Variants in AP1B1 observed in about 807,000 individuals in gnomAD.
AP1B1 encodes AP-1 complex subunit beta-1.
In AP1B1, 36 loss-of-function variants were observed where a neutral mutation model predicts 104.3. The ratio of observed to expected loss-of-function variants is 0.35; its 90% CI spans 0.26 to 0.46. AP1B1 has a LOEUF of 0.46. AP1B1 is among the 20% of genes least tolerant of loss of function. The probability of loss-of-function intolerance (pLI) is 1.00; values close to 1 mark genes in which losing one functional copy is unlikely to be tolerated. For missense variants in AP1B1, 901 were observed against 1,247.9 expected (o/e 0.72, Z 4.19); for synonymous variants, 504 against 517.5 (o/e 0.97, Z 0.35).
At chr22:29,334,058 C>CT (rs1285111529) in intron 17 of AP1B1, among the ~76,000 whole-genome samples, 1 of 152,212 alleles carries the variant, frequency 6.6e-6, no homozygotes, top group Non-Finnish European at 1.5e-5. Context: ...GAGTGAGACT[C>CT]TGTCTCCAAA....
intron 1 of AP1B1, among the ~76,000 whole-genome samples, chr22:29,383,172 A>G (rs1305889653): frequency 6.6e-6 from 1 of 152,174 alleles, no homozygotes; most frequent in Admixed American, 6.6e-5. Flanking sequence ...CTGGACTTAG[A>G]AAGTCTCTGT....
intron 3 of AP1B1, among the ~76,000 whole-genome samples, chr22:29,361,141 A>C (rs2062039190): frequency 6.6e-6 from 1 of 152,234 alleles, no homozygotes; most frequent in Non-Finnish European, 1.5e-5. Context: ...TGGGTGAAGG[A>C]GAGCAGCTTT....
intron 13 of AP1B1, among the ~76,000 whole-genome samples, chr22:29,341,073 C>A (rs377584875): frequency 1.3e-5 from 2 of 152,200 alleles, no homozygotes; most frequent in African/African-American, 4.8e-5. Flanking sequence ...GGGAGAGGGC[C>A]GCCTGCTTCT....
At chr22:29,349,566 T>C (rs1229741246) in intron 10 of AP1B1, among the ~76,000 whole-genome samples, 183 bp from the exon 11 acceptor site, 5 of 151,840 alleles carry the variant, frequency 3.3e-5, no homozygotes, top group African/African-American at 4.8e-5. Flanking sequence ...CAGGCTGGTG[T>C]GCAGTGGTGT....
intron 17 of AP1B1, chr22:29,333,246 G>A (rs960316450): frequency 6.5e-6 from 1 of 154,890 alleles, no homozygotes; most frequent in Non-Finnish European, 1.5e-5. Context: ...CATCAGGAGG[G>A]GCTGCCAGGG....
At chr22:29,381,436 A>G (rs1021801164) in intron 1 of AP1B1, among the ~76,000 whole-genome samples, 3 of 152,162 alleles carry the variant, frequency 2.0e-5, no homozygotes, top group African/African-American at 7.2e-5. Context: ...CAGGTGTTCA[A>G]TAAGTAGCTG....
intron 2 of AP1B1, among the ~76,000 whole-genome samples, chr22:29,363,585 T>C (rs2062085053): frequency 6.6e-6 from 1 of 151,054 alleles, no homozygotes; most frequent in South Asian, 2.1e-4. Flanking sequence ...GAGGTGGAGG[T>C]TGCAGTGAGG....
At chr22:29,366,396 G>T (rs1050163095) in intron 2 of AP1B1, among the ~76,000 whole-genome samples, 30 of 152,206 alleles carry the variant, frequency 2.0e-4, no homozygotes, top group Non-Finnish European at 3.8e-4. Context: ...CCAGCACTTT[G>T]GGAGGCTGAG....
intron 5 of AP1B1, 114 bp from the exon 6 acceptor site, chr22:29,356,730 C>T: frequency 9.7e-7 from 1 of 1,028,124 alleles, no homozygotes; most frequent in African/African-American, 1.6e-5. Context: ...GAATATGACC[C>T]AATGGGCAGG....
chr22:29,359,355 C>A (rs894912080), intron 4 of AP1B1, among the ~76,000 whole-genome samples: 7 of 152,168 alleles, frequency 4.6e-5, no homozygotes, highest in Non-Finnish European at 7.3e-5. Context: ...TCCCCATATC[C>A]GAGCACGGAC....
At chr22:29,331,403 C>A (rs763626607) in intron 19 of AP1B1, 46 bp downstream of exon 19, 5 of 1,595,830 alleles carry the variant, frequency 3.1e-6, no homozygotes, top group African/African-American at 1.3e-5. Context: ...GGTTCCCAAG[C>A]CACAGCCCCA....
chr22:29,331,003 T>G (rs939146942), intron 19 of AP1B1, among the ~76,000 whole-genome samples: 1 of 152,006 alleles, frequency 6.6e-6, no homozygotes, highest in Admixed American at 6.6e-5. Context: ...AGTCACAGCC[T>G]CCCATGCAGG....
chr22:29,351,633 A>G (rs2061876109), intron 8 of AP1B1, 72 bp downstream of exon 8: 3 of 1,577,996 alleles, frequency 1.9e-6, no homozygotes, highest in African/African-American at 2.7e-5. Flanking sequence ...CACCTGGGCC[A>G]GAGCCTACAG....
At chr22:29,349,998 A>G (rs1256339341) in intron 10 of AP1B1, 37 bp downstream of exon 10, 1 of 1,533,998 alleles carries the variant, frequency 6.5e-7, no homozygotes, top group Non-Finnish European at 9.0e-7. Context: ...CCCCAGGCAG[A>G]GCTAGATGCC....
Position 29,341,515 on chromosome 22 carries a change from T to C in AP1B1, c.1782A>G (p.Pro594=), listed in dbSNP as rs756732479. 16 of 1,612,518 alleles carry C rather than the reference T, an allele frequency of 9.9e-6. No homozygotes were observed. The highest frequency in any genetic ancestry group is 1.6e-4 in the Middle Eastern group (1 of 6,062). The change falls in exon 13 of 23, where the codon CCA becomes CCG. Residue 594 remains proline, a synonymous_variant. Transcript: ENST00000357586. ...GTCTCACTCACGAGGCCGTGCGAGGTGGCAGGCTCTTGTGCACGACGCCCC... is the reference window on the plus strand; with the variant it reads ...GTCTCACTCACGAGGCCGTGCGAGGCGGCAGGCTCTTGTGCACGACGCCCC... ...GGRGVVHKSL[P]PRTASSESAE... is the part of the protein sequence containing the mutation.
chr22:29,347,105 T>C (rs1023212265), intron 11 of AP1B1, among the ~76,000 whole-genome samples: 6 of 152,182 alleles, frequency 3.9e-5, no homozygotes, highest in Non-Finnish European at 5.9e-5. Context: ...CCTGGAACTG[T>C]TGATTCCTTA....
chr22:29,356,080 A>G (rs1195242746), intron 6 of AP1B1, among the ~76,000 whole-genome samples: 1 of 152,218 alleles, frequency 6.6e-6, no homozygotes, highest in Non-Finnish European at 1.5e-5. Flanking sequence ...TAAAGACTCT[A>G]AAGTGTGGAA....
chr22:29,341,811 G>C, intron 12 of AP1B1, 51 bp from the exon 13 acceptor site: 1 of 1,560,238 alleles, frequency 6.4e-7, no homozygotes, highest in Non-Finnish European at 8.7e-7. Context: ...CAGGTGAGAA[G>C]GGAGGAGACC....
At chr22:29,372,808 T>C (rs2062263408) in intron 1 of AP1B1, among the ~76,000 whole-genome samples, 1 of 152,204 alleles carries the variant, frequency 6.6e-6, no homozygotes, top group Non-Finnish European at 1.5e-5. Context: ...AATTTATATC[T>C]ATTTTTAAAA....
Sources: allele counts gnomAD v4.1 joint callset (sites outside exome capture counted in the v4.1 genomes callset), GRCh38; gene constraint gnomAD v4.1.1; transcripts MANE v1.5; gene names NCBI Gene and HGNC (gene_info 2026-07-23, HGNC 2026-07-21).